PLEKHA5: variants seen among roughly 807,000 people sequenced by gnomAD.
The protein encoded by PLEKHA5 is pleckstrin homology domain containing A5, also known as pleckstrin homology domain-containing family A member 5.
Under a neutral mutation model 181.9 loss-of-function variants are expected in PLEKHA5, and 55 were observed. The ratio of observed to expected loss-of-function variants is 0.30; its 90% CI spans 0.24 to 0.38. The LOEUF (loss-of-function observed/expected upper bound fraction) is 0.38. PLEKHA5 is among the 10% of genes least tolerant of loss of function. The probability of loss-of-function intolerance (pLI) is 1.00; values close to 1 mark genes in which losing one functional copy is unlikely to be tolerated. For missense variants in PLEKHA5, 1,432 were observed against 1,549.5 expected (o/e 0.92, Z 1.27); for synonymous variants, 535 against 529.4 (o/e 1.01, Z -0.15).
intron 3 of PLEKHA5, among the ~76,000 whole-genome samples, chr12:19,181,730 C>T (rs1023364564): frequency 9.9e-5 from 15 of 152,190 alleles, no homozygotes; most frequent in Admixed American, 3.3e-4. Flanking sequence ...GAGCCGAGAT[C>T]GCGCCACTGC....
chr12:19,210,743 C>A (rs1011841838), intron 3 of PLEKHA5, among the ~76,000 whole-genome samples: 1 of 152,108 alleles, frequency 6.6e-6, no homozygotes, highest in East Asian at 1.9e-4. Context: ...ATCTAGCCAG[C>A]AAAATTTATC....
intron 3 of PLEKHA5, chr12:19,201,416 G>C (rs994594855): frequency 6.6e-6 from 1 of 152,032 alleles, no homozygotes; most frequent in Non-Finnish European, 1.5e-5. Context: ...GAACCACTTT[G>C]GAAAGAGATT....
intron 3 of PLEKHA5, among the ~76,000 whole-genome samples, chr12:19,225,511 A>G (rs936353198): frequency 6.6e-6 from 1 of 152,130 alleles, no homozygotes; most frequent in African/African-American, 2.4e-5. Flanking sequence ...CCCTCGTTAC[A>G]TTATGCTGTA....
At chr12:19,306,929 T>G in intron 15 of PLEKHA5, 1 of 907,578 alleles carries the variant, frequency 1.1e-6, no homozygotes, top group South Asian at 1.5e-5. Context: ...ATGGCAGGTC[T>G]TCTGCTTGGT....
chr12:19,204,477 C>T (rs1207912122), intron 3 of PLEKHA5, among the ~76,000 whole-genome samples: 3 of 151,994 alleles, frequency 2.0e-5, no homozygotes, highest in Admixed American at 2.0e-4. Context: ...ACTTCTTGAC[C>T]ATATTTTCAT....
At chr12:19,178,461 T>C (rs1033658715) in intron 3 of PLEKHA5, among the ~76,000 whole-genome samples, 4 of 152,300 alleles carry the variant, frequency 2.6e-5, no homozygotes, top group Admixed American at 6.5e-5. Context: ...CTACACGAAG[T>C]GGAGCGTGCA....
chr12:19,164,191 G>GTT lies in PLEKHA5; in HGVS notation c.227+31745_227+31746dup, dbSNP rs199683682. ...TTTCCCCACTTCTTGCTCTCCAGATGTTTTTGTTTTTTTTTTTTTTTTTTT... is the reference window on the plus strand; with the variant it reads ...TTTCCCCACTTCTTGCTCTCCAGATGTTTTTTTGTTTTTTTTTTTTTTTTTTT... On this transcript the variant is annotated intron_variant, in intron 3 of 31. Transcript: ENST00000429027. Among the ~76,000 whole-genome samples the GTT allele has an allele frequency of 3.3e-3, 396 of 119,138 alleles. 6 individuals are homozygous for GTT. The highest frequency in any genetic ancestry group is 6.4e-3 in the Admixed American group (60 of 9,322). 78.2% of individuals were successfully genotyped at this position (119,138 alleles called of 152,430 possible). A position where few individuals can be genotyped will look rare whatever the true frequency, so the allele number is the denominator to read the frequency against.
At chr12:19,155,765 T>TG (rs2041539601) in intron 3 of PLEKHA5, among the ~76,000 whole-genome samples, 1 of 152,174 alleles carries the variant, frequency 6.6e-6, no homozygotes, top group Non-Finnish European at 1.5e-5. Flanking sequence ...ATCAAACACA[T>TG]GGGGAAGAAG....
At chr12:19,242,305 C>T (rs1455448613) in intron 3 of PLEKHA5, among the ~76,000 whole-genome samples, 1 of 151,648 alleles carries the variant, frequency 6.6e-6, no homozygotes, top group African/African-American at 2.4e-5. Flanking sequence ...GTGGCACGAT[C>T]TTGGCTCACT....
At chr12:19,318,447 T>C (rs2089722544) in intron 16 of PLEKHA5, among the ~76,000 whole-genome samples, 1 of 152,188 alleles carries the variant, frequency 6.6e-6, no homozygotes, top group South Asian at 2.1e-4. Context: ...AAAAATAGTA[T>C]ATCAATATCC....
intron 15 of PLEKHA5, among the ~76,000 whole-genome samples, chr12:19,301,578 A>T (rs934770044): frequency 6.6e-6 from 1 of 152,228 alleles, no homozygotes; most frequent in Admixed American, 6.5e-5. Context: ...CCAGGCCTTC[A>T]AAGTTTGCTT....
intron 15 of PLEKHA5, among the ~76,000 whole-genome samples, chr12:19,312,141 A>G (rs1340519917): frequency 6.6e-6 from 1 of 152,198 alleles, no homozygotes; most frequent in Non-Finnish European, 1.5e-5. Context: ...TCAACAGTGG[A>G]TTTAAGATAT....
At chr12:19,200,690 A>G in intron 3 of PLEKHA5, 1 of 1,014,924 alleles carries the variant, frequency 9.9e-7, no homozygotes, top group Non-Finnish European at 1.2e-6. Flanking sequence ...CTTGCTTGCT[A>G]TTTCTGCTTT....
intron 16 of PLEKHA5, 194 bp from the exon 17 acceptor site, chr12:19,319,827 C>T (rs1263937670): frequency 3.7e-5 from 15 of 404,218 alleles, no homozygotes; most frequent in Non-Finnish European, 6.6e-5. Context: ...TGGGCAGAAG[C>T]TGAAGAAAGG....
chr12:19,268,209 A>G (rs1400284052), intron 8 of PLEKHA5, among the ~76,000 whole-genome samples: 1 of 152,230 alleles, frequency 6.6e-6, no homozygotes, highest in Non-Finnish European at 1.5e-5. Flanking sequence ...CACTTTGAAA[A>G]TTTAAAATTA....
At chr12:19,150,899 G>A (rs942312333) in intron 3 of PLEKHA5, 4 of 152,264 alleles carry the variant, frequency 2.6e-5, no homozygotes, top group African/African-American at 9.7e-5. Flanking sequence ...ACTTCAGGCT[G>A]GGAAGGAGGG....
intron 3 of PLEKHA5, among the ~76,000 whole-genome samples, chr12:19,135,672 G>A (rs1287970022): frequency 6.6e-6 from 1 of 152,048 alleles, no homozygotes; most frequent in African/African-American, 2.4e-5. Flanking sequence ...ATATCTTCAT[G>A]TAAACAGATA....
rs774573002 is a variant in PLEKHA5 at position 19,274,668 on chromosome 12, A to G, written c.998A>G (p.Tyr333Cys). ...EEKKALEAEK[Y>C]GFQKDGQDRP... is the part of the protein sequence containing the mutation. ...AAAAAGGCATTAGAAGCTGAAAAAT[A>G]TGGATTTCAGAAGGATGGTCAAGAT... Residue 333 changes from tyrosine (Y) to cysteine (C), a missense_variant, in exon 11 of 32, where the codon TAT becomes TGT. By Grantham distance (194) the Tyr-to-Cys change is radical. Around this residue, in one of 2 missense-constraint regions of PLEKHA5, gnomAD observed 1,143 missense variants for 1,168.4 expected, o/e 0.98. Coordinates refer to ENST00000429027, the MANE Select transcript of PLEKHA5 (RefSeq NM_001256470.2). 6.2e-7 allele frequency: 1 copy of G among 1,614,090 alleles called. No homozygotes were observed. Among genetic ancestry groups the G allele is most frequent in the Non-Finnish European group, 8.5e-7 (1 of 1,179,924 alleles).
chr12:19,310,499 A>G (rs985386110), intron 15 of PLEKHA5, among the ~76,000 whole-genome samples: 2 of 151,472 alleles, frequency 1.3e-5, no homozygotes, highest in Non-Finnish European at 1.5e-5. Flanking sequence ...AATCCCAGCT[A>G]CTCAGAAGGC....
Sources: gnomAD v4.1 joint callset for allele counts (sites outside exome capture counted in the v4.1 genomes callset) on GRCh38, gnomAD v4.1.1 for gene constraint, gnomAD v4.1.1 regional missense constraint, MANE v1.5 for transcripts, NCBI Gene and HGNC (gene_info 2026-07-23, HGNC 2026-07-21) for gene names.